Variants in RGS14 observed in about 807,000 individuals in gnomAD.
RGS14 encodes the protein regulator of G-protein signaling 14.
In RGS14, 33 loss-of-function variants were observed where a neutral mutation model predicts 63.8. The ratio of observed to expected loss-of-function variants is 0.52; its 90% CI spans 0.39 to 0.69. RGS14 has a LOEUF of 0.69. Ranked by LOEUF, RGS14 falls within the 30% of genes least tolerant of loss-of-function variation. RGS14 has a pLI of 0.00. For missense variants in RGS14, 739 were observed against 742.9 expected (o/e 0.99, Z 0.06); for synonymous variants, 296 against 320.9 (o/e 0.92, Z 0.83).
rs1006975932 is a variant in RGS14 at position 177,358,600 on chromosome 5, T to C, written c.45+531T>C. Among the ~76,000 whole-genome samples the C allele has an allele frequency of 2.0e-5, 3 of 152,200 alleles. No individual in the cohort carries two copies. Among genetic ancestry groups the C allele is most frequent in the Admixed American group, 6.5e-5 (1 of 15,288 alleles). On this transcript the variant is annotated intron_variant, in intron 1 of 14. Coordinates refer to ENST00000408923, the MANE Select transcript of RGS14 (RefSeq NM_006480.5). The surrounding 1 kb of genome is among the most constrained non-coding windows in gnomAD (Gnocchi z 4.8). ...ATGGGGCAGCAGGGTCAGACTAGGT[T>C]GATGCAGCTTCTGCCTGTTCTATTC...
Position 177,370,616 on chromosome 5 carries a change from C to T in RGS14, c.1079C>T (p.Thr360Ile). 6.2e-7 allele frequency: 1 copy of T among 1,614,120 alleles called. No individual in the cohort carries two copies. The highest frequency in any genetic ancestry group is 8.5e-7 in the Non-Finnish European group (1 of 1,180,002). ...EQALVLDQDC[T>I]VLADQEVRLE... Reference sequence around the variant, plus strand: ...GCCCTGGTCCTGGATCAGGACTGCACCGTGCTGGCGGATCAGGAAGTGCGG... The same window carrying T: ...GCCCTGGTCCTGGATCAGGACTGCATCGTGCTGGCGGATCAGGAAGTGCGG... The change falls in exon 10 of 15, where the codon ACC (threonine) becomes ATC (isoleucine). Residue 360 changes from threonine to isoleucine, a missense_variant. Transcript: ENST00000408923.
intron 9 of RGS14, 104 bp downstream of exon 9, chr5:177,369,024 A>T: frequency 8.4e-7 from 1 of 1,192,304 alleles, no homozygotes; most frequent in Non-Finnish European, 1.2e-6. Context: ...TTCAAGTTCT[A>T]AACCCAACTC....
chr5:177,371,110 C>T lies in RGS14; in HGVS notation c.1255-55C>T, dbSNP rs1253065970. On this transcript the variant is annotated intron_variant, in intron 11 of 14. Transcript: ENST00000408923. This position sits in a 1 kb window ranked among gnomAD's most constrained non-coding sequence, Gnocchi z 6.1. ...CCGGGGCCGGGGCCGGGGCCGGGGC[C>T]GGGGCCGGGGCCGGGCGGAGGCCTG... 23 of 1,192,588 alleles carry T rather than the reference C, an allele frequency of 1.9e-5. No individual in the cohort carries two copies. Among genetic ancestry groups the T allele is most frequent in the African/African-American group, 8.4e-5 (4 of 47,800 alleles). The allele number at this position is 1,192,588 out of a possible 1,614,324, so 73.9% of individuals were successfully genotyped here. A position where few individuals can be genotyped will look rare whatever the true frequency, so the allele number is the denominator to read the frequency against.
At chr5:177,368,667 A>C (rs373254218) in intron 8 of RGS14, 50 bp from the exon 9 acceptor site, 8 of 1,577,152 alleles carry the variant, frequency 5.1e-6, no homozygotes, top group Non-Finnish European at 7.0e-6. Flanking sequence ...ACCTGTGTGC[A>C]TGCCCTTGCA....
rs1012986340 is a variant in RGS14 at position 177,364,261 on chromosome 5, T to A, written c.46-1702T>A. Among the ~76,000 whole-genome samples the A allele has an allele frequency of 2.6e-4, 39 of 152,076 alleles. No homozygotes were observed. Among genetic ancestry groups the A allele is most frequent in the Non-Finnish European group, 4.4e-4 (30 of 68,026 alleles). ...GGAATAAGGGGCTGGTGGTAGGAAC[T>A]TCTGTGACAGGGCATGGTGAAAGTG... On this transcript the variant is annotated intron_variant, in intron 1 of 14. Coordinates refer to ENST00000408923, the MANE Select transcript of RGS14 (RefSeq NM_006480.5). The surrounding 1 kb of genome is among the most constrained non-coding windows in gnomAD (Gnocchi z 4.6).
intron 10 of RGS14, 74 bp from the exon 11 acceptor site, chr5:177,370,831 C>G: frequency 6.3e-7 from 1 of 1,577,648 alleles, no homozygotes. Context: ...GCTCCACCCC[C>G]TCGCGTTTGT....
intron 1 of RGS14, among the ~76,000 whole-genome samples, chr5:177,361,662 A>G (rs1342200224): frequency 6.6e-6 from 1 of 152,120 alleles, no homozygotes; most frequent in African/African-American, 2.4e-5. Context: ...ACCCGTAAAG[A>G]TGGAGGGAGG....
chr5:177,366,337 G>A lies in RGS14; in HGVS notation c.228G>A (p.Leu76=). Reference sequence around the variant, plus strand: ...TCGAGCGGCTGTTGCAGGACCCGCTGGGCCTGGCTTACTTCACTGTAAGCC... The same window carrying A: ...TCGAGCGGCTGTTGCAGGACCCGCTAGGCCTGGCTTACTTCACTGTAAGCC... ...LSFERLLQDP[L]GLAYFTEFLK... is the part of the protein sequence containing the mutation. The change falls in exon 3 of 15, where the codon CTG becomes CTA. Residue 76 remains leucine, a synonymous_variant. Transcript: ENST00000408923. The A allele has an allele frequency of 6.5e-7, 1 of 1,548,990 alleles. No individual in the cohort carries two copies. Among genetic ancestry groups the A allele is most frequent in the Non-Finnish European group, 8.7e-7 (1 of 1,146,734 alleles).
chr5:177,360,001 T>C (rs988181069), intron 1 of RGS14, among the ~76,000 whole-genome samples: 2 of 152,210 alleles, frequency 1.3e-5, no homozygotes, highest in African/African-American at 2.4e-5. Context: ...CATCATTCCC[T>C]GCTGTGGAAG....
In RGS14 at chr5:177,372,110, C is replaced by T. The variant is rs1031284604; in HGVS notation, c.*35C>T. 1 of 1,588,196 alleles carries T rather than the reference C, an allele frequency of 6.3e-7. No individual in the cohort carries two copies. The highest frequency in any genetic ancestry group is 8.6e-7 in the Non-Finnish European group (1 of 1,160,590). On this transcript the variant is annotated 3_prime_UTR_variant, in exon 15 of 15. Coordinates refer to ENST00000408923, the MANE Select transcript of RGS14 (RefSeq NM_006480.5). ...AACAGTCCAGGACAGCTGCATGGCA[C>T]CCGGCGGGCCGAGCATGCCATGGGT...
intron 4 of RGS14, 37 bp from the exon 5 acceptor site, chr5:177,366,854 G>A: frequency 6.2e-7 from 1 of 1,613,686 alleles, no homozygotes; most frequent in Non-Finnish European, 8.5e-7. Context: ...ACTGGGCCAC[G>A]CTCCCTGACC....
rs192028647 is a variant in RGS14 at position 177,372,195 on chromosome 5, G to A, written c.*120G>A. 24 of 1,027,598 alleles carry A rather than the reference G, an allele frequency of 2.3e-5. No homozygotes were observed. In the East Asian group the frequency reaches 3.1e-4, roughly 13 times the overall value. The allele number at this position is 1,027,598 out of a possible 1,614,324, so 63.7% of individuals were successfully genotyped here. ...CCTGGCCCCTTCCTGCCATGGGCAG[G>A]CCCGCAGGAAGAGCCGGTAGGGGTG... On this transcript the variant is annotated 3_prime_UTR_variant, in exon 15 of 15. Coordinates refer to ENST00000408923, the MANE Select transcript of RGS14 (RefSeq NM_006480.5).
chr5:177,360,343 G>T (rs548001059), intron 1 of RGS14, among the ~76,000 whole-genome samples: 2 of 152,184 alleles, frequency 1.3e-5, no homozygotes, highest in East Asian at 3.9e-4. Context: ...GAAGGCCAAT[G>T]CAGGAGGATC....
At chr5:177,369,472 G>A (rs1383553505) in intron 9 of RGS14, among the ~76,000 whole-genome samples, 1 of 152,158 alleles carries the variant, frequency 6.6e-6, no homozygotes, top group African/African-American at 2.4e-5. Context: ...GCCTTGCCAG[G>A]TGTGTGGGGG....
At chr5:177,365,756 C>A (rs1326300452) in intron 1 of RGS14, among the ~76,000 whole-genome samples, 1 of 152,038 alleles carries the variant, frequency 6.6e-6, no homozygotes, top group Non-Finnish European at 1.5e-5. Flanking sequence ...CTGGAAGGTA[C>A]CTGCCATAAG....
rs755218307 is a variant in RGS14, at chr5:177,371,559, A to T, written c.1468A>T (p.Thr490Ser). 1.2e-6 allele frequency: 2 copies of T among 1,614,054 alleles called. No homozygotes were observed. Among genetic ancestry groups the T allele is most frequent in the Admixed American group, 3.3e-5 (2 of 60,014 alleles). Residue 490 changes from threonine (T) to serine (S), a missense_variant, in exon 14 of 15, where the codon ACT becomes TCT. Coordinates refer to ENST00000408923, the MANE Select transcript of RGS14 (RefSeq NM_006480.5). The surrounding 1 kb of genome is among the most constrained non-coding windows in gnomAD (Gnocchi z 6.1). ...TCTGGTGAAGGTGCCCAGTAGTGCCACTGGAAAGCGGCAGACCTGTGACAT... is the reference window on the plus strand; with the variant it reads ...TCTGGTGAAGGTGCCCAGTAGTGCCTCTGGAAAGCGGCAGACCTGTGACAT... ...SSLVKVPSSATGKRQTCDIEG... is the reference protein window; with the variant it reads ...SSLVKVPSSASGKRQTCDIEG...
intron 9 of RGS14, 49 bp from the exon 10 acceptor site, chr5:177,370,542 C>G (rs747147809): frequency 4.5e-6 from 7 of 1,552,916 alleles, no homozygotes; most frequent in Non-Finnish European, 2.7e-6. Context: ...ACAGGGATGG[C>G]TGGGGGTTGG....
At position 177,371,826 on chromosome 5, in the gene RGS14, A is replaced by T. The variant is rs762657723; in HGVS notation, c.1499-47A>T. The T allele has an allele frequency of 2.2e-5, 34 of 1,570,138 alleles. No individual in the cohort carries two copies. Among genetic ancestry groups the T allele is most frequent in the Admixed American group, 5.2e-5 (3 of 57,682 alleles). ...CAGTGGGACTATCGTGGGCTGGCAT[A>T]TAGGCAGGTCTGCTGGGGGGACCCT... On this transcript the variant is annotated intron_variant, in intron 14 of 14. Transcript: ENST00000408923. The surrounding 1 kb of genome is among the most constrained non-coding windows in gnomAD (Gnocchi z 6.1).
rs780585652 is a variant in RGS14 at position 177,367,696 on chromosome 5, C to A, written c.628-18C>A. ...GCTGGGGCCCAGCCCGGTGCCAGCGCCTCCCCTGTACCCACAGAAGCCGAA... is the reference window on the plus strand; with the variant it reads ...GCTGGGGCCCAGCCCGGTGCCAGCGACTCCCCTGTACCCACAGAAGCCGAA... On this transcript the variant is annotated intron_variant, in intron 6 of 14. Transcript: ENST00000408923. 1 of 1,608,336 alleles carries A rather than the reference C, an allele frequency of 6.2e-7. No homozygotes were observed. Among genetic ancestry groups the A allele is most frequent in the Non-Finnish European group, 8.5e-7 (1 of 1,177,932 alleles).
Sources: allele counts gnomAD v4.1 joint callset (sites outside exome capture counted in the v4.1 genomes callset), GRCh38; gene constraint gnomAD v4.1.1; non-coding constraint Gnocchi (gnomAD v3.1); transcripts MANE v1.5; gene names NCBI Gene and HGNC (gene_info 2026-07-23, HGNC 2026-07-21).